Variants in USH2A observed in about 807,000 individuals in gnomAD.
USH2A encodes the protein usherin.
Under a neutral mutation model 538.9 loss-of-function variants are expected in USH2A, and 443 were observed. That is an observed-to-expected ratio of 0.82 (90% CI 0.76 to 0.89). The LOEUF is 0.89. Among genes scored for constraint, USH2A ranks in the 40% least tolerant of loss-of-function variants. The probability of loss-of-function intolerance (pLI) is 0.00; values close to 1 mark genes in which losing one functional copy is unlikely to be tolerated. For synonymous variants in USH2A, 2,413 were observed against 2,273.5 expected (o/e 1.06, Z -1.75); for missense variants, 6,633 against 6,324.8 (o/e 1.05, Z -1.65).
At chr1:216,021,906 G>A (rs1265222852) in intron 32 of USH2A, among the ~76,000 whole-genome samples, 2 of 152,080 alleles carry the variant, frequency 1.3e-5, no homozygotes, top group Admixed American at 1.3e-4. Flanking sequence ...CCTTTTAGGA[G>A]GTGTTTGGAT....
chr1:216,220,667 A>G (rs112351606), intron 14 of USH2A, among the ~76,000 whole-genome samples: 368 of 152,204 alleles, frequency 2.4e-3, no homozygotes, highest in African/African-American at 8.3e-3. Flanking sequence ...ATGTAAATTC[A>G]TAATGAGAAA....
chr1:215,798,504 A>T (rs1662205828), intron 50 of USH2A, among the ~76,000 whole-genome samples: 1 of 152,208 alleles, frequency 6.6e-6, no homozygotes, highest in African/African-American at 2.4e-5. Flanking sequence ...GTTAGTATTC[A>T]TTCAATGATA....
intron 13 of USH2A, among the ~76,000 whole-genome samples, chr1:216,241,693 C>T (rs2035941174): frequency 6.6e-6 from 1 of 152,068 alleles, no homozygotes. Flanking sequence ...TGCCACCATG[C>T]CCAGCTAATT....
chr1:216,116,299 A>T (rs940254377), intron 21 of USH2A, among the ~76,000 whole-genome samples: 2 of 152,116 alleles, frequency 1.3e-5, no homozygotes, highest in East Asian at 3.9e-4. Context: ...AGAAATTTCA[A>T]AAATTGATCT....
chr1:216,105,895 G>A (rs1003247114), intron 21 of USH2A, among the ~76,000 whole-genome samples: 1 of 151,322 alleles, frequency 6.6e-6, no homozygotes, highest in African/African-American at 2.4e-5. Context: ...ATTGTTTATT[G>A]CTAGTATGTT....
chr1:215,924,005 T>G (rs1453920104), intron 38 of USH2A, among the ~76,000 whole-genome samples: 1 of 151,870 alleles, frequency 6.6e-6, no homozygotes, highest in Non-Finnish European at 1.5e-5. Flanking sequence ...GGATTACAAG[T>G]GTGAGACACC....
intron 65 of USH2A, among the ~76,000 whole-genome samples, chr1:215,649,782 A>G (rs1656992429): frequency 6.6e-6 from 1 of 152,200 alleles, no homozygotes. Flanking sequence ...CACAATCTCT[A>G]TACAATGTTT....
At chr1:215,845,785 G>C in intron 45 of USH2A, 39 bp downstream of exon 45, 1 of 1,590,134 alleles carries the variant, frequency 6.3e-7, no homozygotes, top group Non-Finnish European at 8.6e-7. Context: ...AATTTCATTC[G>C]CATCTCTGAG....
intron 21 of USH2A, among the ~76,000 whole-genome samples, chr1:216,168,610 T>C (rs1449018071): frequency 6.6e-6 from 1 of 152,138 alleles, no homozygotes; most frequent in Non-Finnish European, 1.5e-5. Context: ...TGTCTGCCTT[T>C]GTATGACTAA....
At chr1:216,324,412 C>T in intron 6 of USH2A, 60 bp from the exon 7 acceptor site, 1 of 1,424,694 alleles carries the variant, frequency 7.0e-7, no homozygotes, top group Non-Finnish European at 9.7e-7. Context: ...CAGTATATAT[C>T]AAACCATGGA....
chr1:216,273,844 T>A (rs1023584574), intron 11 of USH2A, among the ~76,000 whole-genome samples: 4 of 151,290 alleles, frequency 2.6e-5, no homozygotes, highest in Non-Finnish European at 4.4e-5. Flanking sequence ...CAGCACACAT[T>A]CATAGTTTTT....
At chr1:216,133,952 T>C (rs1236429239) in intron 21 of USH2A, among the ~76,000 whole-genome samples, 2 of 152,132 alleles carry the variant, frequency 1.3e-5, no homozygotes, top group Non-Finnish European at 2.9e-5. Context: ...ATATTATGAT[T>C]GATTACAATA....
At chr1:216,157,219 A>G (rs2033965545) in intron 21 of USH2A, among the ~76,000 whole-genome samples, 1 of 152,184 alleles carries the variant, frequency 6.6e-6, no homozygotes, top group African/African-American at 2.4e-5. Context: ...ACAAACATGA[A>G]AAAATGTGCA....
At chr1:215,836,563 A>ATTTT (rs1228939513) in intron 47 of USH2A, among the ~76,000 whole-genome samples, 3 of 29,478 alleles carry the variant, frequency 1.0e-4, no homozygotes, top group South Asian at 2.4e-3. Flanking sequence ...ATATATATAT[A>ATTTT]TATTTTTTTT....
intron 37 of USH2A, among the ~76,000 whole-genome samples, chr1:215,952,156 G>A (rs140616947): frequency 1.3e-5 from 2 of 152,126 alleles, no homozygotes; most frequent in African/African-American, 4.8e-5. Flanking sequence ...GAGCCACCGC[G>A]CCCGGCCTGG....
intron 55 of USH2A, among the ~76,000 whole-genome samples, chr1:215,767,763 A>T (rs1458050477): frequency 6.6e-6 from 1 of 152,194 alleles, no homozygotes; most frequent in Non-Finnish European, 1.5e-5. Context: ...ACAAGAGAAG[A>T]TGAAATAGGA....
intron 16 of USH2A, among the ~76,000 whole-genome samples, chr1:216,200,982 T>G: frequency 8.2e-5 from 1 of 12,124 alleles, no homozygotes; most frequent in South Asian, 6.0e-3. Flanking sequence ...CATCCATCCC[T>G]CCCTCCCTCC....
intron 11 of USH2A, among the ~76,000 whole-genome samples, chr1:216,263,190 C>A (rs907571692): frequency 6.6e-6 from 1 of 152,066 alleles, no homozygotes; most frequent in Admixed American, 6.6e-5. Context: ...TGAAATCTAC[C>A]AAACTTTAAT....
intron 61 of USH2A, among the ~76,000 whole-genome samples, chr1:215,725,770 A>G (rs1378168618): frequency 6.6e-6 from 1 of 152,234 alleles, no homozygotes; most frequent in African/African-American, 2.4e-5. Flanking sequence ...AAGCCACATC[A>G]GGGAGGGCCC....
Sources: gnomAD v4.1 joint callset for allele counts (sites outside exome capture counted in the v4.1 genomes callset) on GRCh38, gnomAD v4.1.1 for gene constraint, MANE v1.5 for transcripts, NCBI Gene and HGNC (gene_info 2026-07-23, HGNC 2026-07-21) for gene names.